Variants in CADM2 observed in about 807,000 individuals in gnomAD.
The protein encoded by CADM2 is immunoglobulin superfamily member 4D.
CADM2 carries 12 observed loss-of-function variants against 49.8 expected under a neutral mutation model. The observed-to-expected ratio is 0.24, with a 90% CI of 0.15 to 0.39. The LOEUF (loss-of-function observed/expected upper bound fraction) is 0.39. Among genes scored for constraint, CADM2 ranks in the 10% least tolerant of loss-of-function variants. The pLI is 1.00. For synonymous variants in CADM2, 214 were observed against 175.4 expected (o/e 1.22, Z -1.74); for missense variants, 378 against 492.3 (o/e 0.77, Z 2.20).
intron 8 of CADM2, among the ~76,000 whole-genome samples, chr3:85,972,739 G>GA (rs1217516657): frequency 2.0e-5 from 3 of 151,634 alleles, no homozygotes; most frequent in Non-Finnish European, 4.4e-5. Context: ...CTCGTTATTG[G>GA]AAAAAAGGTG....
intron 1 of CADM2, among the ~76,000 whole-genome samples, chr3:85,435,606 T>G (rs2036890994): frequency 2.6e-5 from 4 of 152,188 alleles, no homozygotes; most frequent in Admixed American, 2.6e-4. Flanking sequence ...TCTTCCGCAA[T>G]GGTTGAACTA....
intron 3 of CADM2, among the ~76,000 whole-genome samples, chr3:85,881,612 C>G (rs1344932921): frequency 6.6e-6 from 1 of 152,042 alleles, no homozygotes; most frequent in Admixed American, 6.6e-5. Context: ...GGACTTTGTG[C>G]TGCTATTTGG....
intron 1 of CADM2, among the ~76,000 whole-genome samples, chr3:85,004,287 C>G (rs1024638332): frequency 1.3e-5 from 2 of 152,114 alleles, no homozygotes; most frequent in Non-Finnish European, 2.9e-5. Context: ...TTTTCTCATT[C>G]TACACATCTG....
intron 1 of CADM2, among the ~76,000 whole-genome samples, chr3:85,306,192 A>G (rs1423073960): frequency 5.9e-5 from 9 of 151,690 alleles, no homozygotes; most frequent in African/African-American, 1.9e-4. Flanking sequence ...CACCAAATAT[A>G]AATAACCAGA....
chr3:85,832,464 A>G (rs556420699), intron 3 of CADM2, among the ~76,000 whole-genome samples: 1 of 151,972 alleles, frequency 6.6e-6, no homozygotes, highest in Non-Finnish European at 1.5e-5. Flanking sequence ...GATGCTTTTC[A>G]TTTCTTTGTA....
chr3:85,955,384 C>T (rs1723928163), intron 7 of CADM2, among the ~76,000 whole-genome samples: 1 of 151,422 alleles, frequency 6.6e-6, no homozygotes, highest in Admixed American at 6.6e-5. Context: ...CTGTCCCTTT[C>T]CACACCAGGA....
At chr3:85,520,731 A>T (rs1480100712) in intron 1 of CADM2, among the ~76,000 whole-genome samples, 1 of 152,094 alleles carries the variant, frequency 6.6e-6, no homozygotes, top group East Asian at 1.9e-4. Flanking sequence ...TATTTAAAGA[A>T]ATACATTAAT....
chr3:85,570,276 C>T (rs1413371306), intron 1 of CADM2, among the ~76,000 whole-genome samples: 1 of 151,990 alleles, frequency 6.6e-6, no homozygotes, highest in Non-Finnish European at 1.5e-5. Context: ...CCAACAGAAG[C>T]TTAAATAAAC....
chr3:85,857,613 G>GT (rs1559704466), intron 3 of CADM2, among the ~76,000 whole-genome samples: 1 of 152,134 alleles, frequency 6.6e-6, no homozygotes, highest in Admixed American at 6.5e-5. Context: ...AAAGTGTTGG[G>GT]TAACTCCCAG....
intron 1 of CADM2, among the ~76,000 whole-genome samples, chr3:85,690,521 G>A (rs1559594786): frequency 6.6e-6 from 1 of 152,070 alleles, no homozygotes. Flanking sequence ...GGGGACAAGA[G>A]AAGGACATAA....
At chr3:85,661,042 A>G (rs2065387116) in intron 1 of CADM2, among the ~76,000 whole-genome samples, 1 of 152,110 alleles carries the variant, frequency 6.6e-6, no homozygotes, top group East Asian at 1.9e-4. Flanking sequence ...TTTTTGGAGG[A>G]AGGCATTGAA....
At chr3:85,519,195 AT>A (rs1343381081) in intron 1 of CADM2, among the ~76,000 whole-genome samples, 13 of 152,150 alleles carry the variant, frequency 8.5e-5, no homozygotes, top group Admixed American at 7.9e-4. Context: ...TTTGGAAATG[AT>A]GGCAGTAGGG....
intron 1 of CADM2, among the ~76,000 whole-genome samples, chr3:85,225,725 T>A (rs1396781543): frequency 6.6e-6 from 1 of 152,200 alleles, no homozygotes; most frequent in Non-Finnish European, 1.5e-5. Context: ...CAGTATGATA[T>A]TGGCTGTTGG....
chr3:85,331,252 G>A (rs570028754), intron 1 of CADM2, among the ~76,000 whole-genome samples: 2 of 151,790 alleles, frequency 1.3e-5, no homozygotes, highest in South Asian at 2.1e-4. Context: ...TTTTGTAAAC[G>A]TTAACCATTC....
At chr3:86,008,568 G>A (rs948451363) in intron 8 of CADM2, among the ~76,000 whole-genome samples, 7 of 151,968 alleles carry the variant, frequency 4.6e-5, no homozygotes, top group South Asian at 2.1e-4. Flanking sequence ...AAGGCAATAC[G>A]TAATCTATGC....
chr3:85,317,885 T>C (rs1192799983), intron 1 of CADM2, among the ~76,000 whole-genome samples: 1 of 152,134 alleles, frequency 6.6e-6, no homozygotes, highest in African/African-American at 2.4e-5. Context: ...AAAGAGACTA[T>C]AGAATAAGAA....
At chr3:85,431,555 T>C (rs948678375) in intron 1 of CADM2, among the ~76,000 whole-genome samples, 5 of 151,680 alleles carry the variant, frequency 3.3e-5, no homozygotes, top group African/African-American at 9.7e-5. Flanking sequence ...GAGTCAGAAG[T>C]GTTAAAACAC....
chr3:86,042,898 A>T (rs965318147), intron 8 of CADM2, among the ~76,000 whole-genome samples: 27 of 152,324 alleles, frequency 1.8e-4, no homozygotes, highest in African/African-American at 6.3e-4. Context: ...AGTGGGCTTC[A>T]TCCCTGGGAT....
chr3:85,227,127 A>C (rs527996855), intron 1 of CADM2, among the ~76,000 whole-genome samples: 2 of 152,182 alleles, frequency 1.3e-5, no homozygotes, highest in Admixed American at 6.5e-5. Flanking sequence ...AGTTCTGTAG[A>C]TGACTATTAG....
Sources: gnomAD v4.1 joint callset for allele counts (sites outside exome capture counted in the v4.1 genomes callset) on GRCh38, gnomAD v4.1.1 for gene constraint, MANE v1.5 for transcripts, NCBI Gene and HGNC (gene_info 2026-07-23, HGNC 2026-07-21) for gene names.